The following SORCS2 variants were observed in gnomAD, a reference collection of about 807,000 sequenced individuals.
SORCS2 encodes the protein VPS10 domain-containing receptor SorCS2.
A neutral mutation model predicts 141.6 loss-of-function variants in SORCS2; 100 were observed. The ratio of observed to expected loss-of-function variants is 0.71; its 90% CI spans 0.60 to 0.83. The LOEUF is 0.83. Among genes scored for constraint, SORCS2 ranks in the 40% least tolerant of loss-of-function variants. SORCS2 has a pLI of 0.00. For missense variants in SORCS2, 1,646 were observed against 1,560.2 expected (o/e 1.05, Z -0.93); for synonymous variants, 789 against 676.9 (o/e 1.17, Z -2.57).
intron 4 of SORCS2, among the ~76,000 whole-genome samples, chr4:7,643,149 C>T (rs927778814): frequency 1.3e-5 from 2 of 152,222 alleles, no homozygotes; most frequent in African/African-American, 4.8e-5. Context: ...CTTCCCTTAT[C>T]CTCGTTATAA....
intron 19 of SORCS2, among the ~76,000 whole-genome samples, chr4:7,724,268 A>ATGGTGGTGGTGGTGGTGG (rs1726856257): frequency 7.6e-6 from 1 of 132,296 alleles, no homozygotes; most frequent in African/African-American, 3.2e-5. Flanking sequence ...GGTGATGGTG[A>ATGGTGGTGGTGGTGGTGG]TGATGGTGGT....
At chr4:7,453,689 G>C (rs1159381134) in intron 2 of SORCS2, among the ~76,000 whole-genome samples, 1 of 128,120 alleles carries the variant, frequency 7.8e-6, no homozygotes, top group Admixed American at 8.0e-5. Flanking sequence ...GTGCTGTGTT[G>C]GGGTCAGGCA....
intron 2 of SORCS2, among the ~76,000 whole-genome samples, chr4:7,410,439 T>C (rs1390666858): frequency 6.6e-6 from 1 of 152,186 alleles, no homozygotes; most frequent in Non-Finnish European, 1.5e-5. Flanking sequence ...TGGCTCCATA[T>C]TTCCCTTCTT....
At chr4:7,235,258 GC>G (rs1433136580) in intron 1 of SORCS2, among the ~76,000 whole-genome samples, 3 of 152,238 alleles carry the variant, frequency 2.0e-5, no homozygotes, top group Non-Finnish European at 4.4e-5. Flanking sequence ...CCCTTCTGCT[GC>G]CCGCGCCAGG....
At chr4:7,520,399 G>A (rs1474228694) in intron 2 of SORCS2, among the ~76,000 whole-genome samples, 3 of 152,182 alleles carry the variant, frequency 2.0e-5, no homozygotes, top group Non-Finnish European at 4.4e-5. Flanking sequence ...GGTCAGGTCC[G>A]AGGTCATGCC....
chr4:7,612,604 G>T (rs758572265), intron 3 of SORCS2, among the ~76,000 whole-genome samples: 7 of 152,252 alleles, frequency 4.6e-5, no homozygotes, highest in Admixed American at 2.6e-4. Flanking sequence ...TGGGCCCCAC[G>T]CAGTGACTCG....
At chr4:7,461,178 C>A (rs1464325609) in intron 2 of SORCS2, among the ~76,000 whole-genome samples, 3 of 106,622 alleles carry the variant, frequency 2.8e-5, no homozygotes, top group Non-Finnish European at 4.2e-5. Flanking sequence ...TTAAATTATT[C>A]ATCATTTCCT....
chr4:7,629,271 A>T (rs1468733062), intron 3 of SORCS2, among the ~76,000 whole-genome samples: 1 of 152,182 alleles, frequency 6.6e-6, no homozygotes, highest in Non-Finnish European at 1.5e-5. Context: ...TAAAAATAAA[A>T]ATAAATTTTT....
intron 26 of SORCS2, among the ~76,000 whole-genome samples, chr4:7,738,885 C>T (rs1442600535): frequency 1.3e-5 from 2 of 152,194 alleles, no homozygotes; most frequent in Non-Finnish European, 2.9e-5. Flanking sequence ...CGCTCTCCAG[C>T]CCCTCACCAG....
At chr4:7,247,461 A>T (rs4689667) in intron 1 of SORCS2, among the ~76,000 whole-genome samples, 96,252 of 152,086 alleles carry the variant, frequency 0.63, 32,024 homozygotes, top group East Asian at 0.82. Flanking sequence ...AATGAAAAAC[A>T]TTTTGTCAAC....
intron 9 of SORCS2, among the ~76,000 whole-genome samples, chr4:7,677,943 G>A (rs927837045): frequency 6.6e-6 from 1 of 152,142 alleles, no homozygotes; most frequent in African/African-American, 2.4e-5. Flanking sequence ...AAGGCAGTGG[G>A]TGGGTGGTGA....
At position 7,329,487 on chromosome 4, in the gene SORCS2, C is replaced by T. The variant is rs190530146; in HGVS notation, c.481-66801C>T. Among the ~76,000 whole-genome samples, 73 of 152,318 alleles carry T rather than the reference C, an allele frequency of 4.8e-4. 1 individual carries two copies. Among genetic ancestry groups the T allele is most frequent in the African/African-American group, 1.6e-3 (66 of 41,572 alleles). ...TGAGGGGGTCCCCTGAGATGCTGGA[C>T]GTGGCCCCTACCCTGAACACACAGC... On this transcript the variant is annotated intron_variant, in intron 1 of 26. Transcript: ENST00000507866.
chr4:7,240,754 T>C (rs909640861), intron 1 of SORCS2, among the ~76,000 whole-genome samples: 1 of 152,166 alleles, frequency 6.6e-6, no homozygotes, highest in Non-Finnish European at 1.5e-5. Flanking sequence ...AGAGTGACCA[T>C]GACAGTGACA....
intron 2 of SORCS2, among the ~76,000 whole-genome samples, chr4:7,401,824 G>A (rs1443419768): frequency 6.6e-6 from 1 of 152,044 alleles, no homozygotes; most frequent in Non-Finnish European, 1.5e-5. Context: ...CTGGTCTCAG[G>A]TTTTCTCTAG....
intron 1 of SORCS2, among the ~76,000 whole-genome samples, chr4:7,336,455 G>T (rs563989051): frequency 6.7e-6 from 1 of 150,268 alleles, no homozygotes; most frequent in South Asian, 2.1e-4. Flanking sequence ...TCCAAGGATG[G>T]GGTTTCTAGG....
At chr4:7,274,319 G>A (rs1715344065) in intron 1 of SORCS2, among the ~76,000 whole-genome samples, 4 of 152,252 alleles carry the variant, frequency 2.6e-5, no homozygotes, top group Non-Finnish European at 5.9e-5. Context: ...GGTGAGGGAG[G>A]TGTATTAGTC....
intron 23 of SORCS2, among the ~76,000 whole-genome samples, chr4:7,732,686 G>A (rs1711799972): frequency 6.6e-6 from 1 of 152,094 alleles, no homozygotes. Context: ...GGGGGATGGA[G>A]CCTCCTGGAG....
intron 1 of SORCS2, among the ~76,000 whole-genome samples, chr4:7,248,894 T>C (rs892692393): frequency 6.6e-6 from 1 of 152,186 alleles, no homozygotes; most frequent in Non-Finnish European, 1.5e-5. Context: ...AGCTTGTGTC[T>C]GGCACTGTAG....
At chr4:7,219,344 A>G (rs12646898) in intron 1 of SORCS2, among the ~76,000 whole-genome samples, 40,969 of 151,610 alleles carry the variant, frequency 0.27, 6,104 homozygotes, top group East Asian at 0.45. Context: ...AATATCTGCT[A>G]TCTAGGCCGC....
Sources: allele counts gnomAD v4.1 joint callset (sites outside exome capture counted in the v4.1 genomes callset), GRCh38; gene constraint gnomAD v4.1.1; transcripts MANE v1.5; gene names NCBI Gene and HGNC (gene_info 2026-07-23, HGNC 2026-07-21).